Variants in AP4E1 observed in about 807,000 individuals in gnomAD.
AP4E1 encodes the protein AP-4 complex subunit epsilon-1.
Under a neutral mutation model 128.2 loss-of-function variants are expected in AP4E1, and 56 were observed. The observed-to-expected ratio is 0.44, with a 90% confidence interval of 0.35 to 0.55. The LOEUF is 0.55. AP4E1 is among the 20% of genes least tolerant of loss of function. The pLI is 0.00. For synonymous variants in AP4E1, 484 were observed against 473.1 expected (o/e 1.02, Z -0.30); for missense variants, 1,324 against 1,307.7 (o/e 1.01, Z -0.19).
chr15:50,947,340 C>T (rs1029318623), intron 10 of AP4E1, among the ~76,000 whole-genome samples: 14 of 150,836 alleles, frequency 9.3e-5, no homozygotes, highest in Non-Finnish European at 1.6e-4. Context: ...TGCTTGAGCC[C>T]AGGAGGTGGA....
chr15:50,957,656 C>T (rs902541988), intron 13 of AP4E1, among the ~76,000 whole-genome samples: 3 of 144,230 alleles, frequency 2.1e-5, no homozygotes, highest in African/African-American at 7.7e-5. Context: ...AGATGTGTGA[C>T]ATAGACAAGC....
chr15:50,959,439 A>T (rs1022864194), intron 14 of AP4E1, among the ~76,000 whole-genome samples: 1 of 152,056 alleles, frequency 6.6e-6, no homozygotes, highest in Admixed American at 6.6e-5. Flanking sequence ...TGGAAAAAAA[A>T]CCCCCAAAAC....
Position 50,958,725 on chromosome 15 carries a change from A to C in AP4E1, c.1782A>C (p.Lys594Asn). 1 of 1,614,154 alleles carries C rather than the reference A, an allele frequency of 6.2e-7. No homozygotes were observed. The highest frequency in any genetic ancestry group is 8.5e-7 in the Non-Finnish European group (1 of 1,180,002). The change falls in exon 14 of 21, where the codon AAA becomes AAC. Residue 594 changes from lysine to asparagine, a missense_variant. Physicochemically the swap from Lys to Asn is moderately conservative, Grantham distance 94. Coordinates refer to ENST00000261842, the MANE Select transcript of AP4E1 (RefSeq NM_007347.5). Reference sequence around the variant, plus strand: ...TGAGACAACATGCATTTGAATTAAAACATTTGCATGAGAATGTGGAACTTA... The same window carrying C: ...TGAGACAACATGCATTTGAATTAAACCATTTGCATGAGAATGTGGAACTTA... The part of the protein sequence containing the change: ...TCMRQHAFEL[K>N]HLHENVELMK...
chr15:50,999,697 A>G (rs1043666055), intron 19 of AP4E1, among the ~76,000 whole-genome samples: 1 of 151,968 alleles, frequency 6.6e-6, no homozygotes, highest in African/African-American at 2.4e-5. Context: ...TGACATAGTT[A>G]TTAAACTTTT....
In AP4E1 at chr15:50,969,759, T is replaced by C. The variant is rs534568221; in HGVS notation, c.1966+1382T>C. ...CTGCAAGCTCTGCCTCCTGGGTTCA[T>C]GCCATTCTCCTGCCTCAGCCTCCCG... On this transcript the variant is annotated intron_variant, in intron 15 of 20. Transcript: ENST00000261842. Among the ~76,000 whole-genome samples, 6 of 151,270 alleles carry C rather than the reference T, an allele frequency of 4.0e-5. No individual in the cohort carries two copies. The East Asian group carries it at 7.8e-4, about 20-fold the overall frequency.
intron 5 of AP4E1, among the ~76,000 whole-genome samples, chr15:50,927,951 A>AAC (rs1273349453): frequency 6.6e-6 from 1 of 152,234 alleles, no homozygotes; most frequent in East Asian, 1.9e-4. Flanking sequence ...AGAAATAGAC[A>AAC]AGAGAGAGAA....
chr15:50,922,163 CAAAAAAAAAAAA>C lies in AP4E1; in HGVS notation c.347-1758_347-1747del, dbSNP rs34829950. The stretch of plus-strand genomic sequence containing the variant: ...GTAACATAGTGAGACCCTATCTCTA[CAAAAAAAAAAAA>C]AAAAAAAAATTAGCTCGGTGTGATG... On this transcript the variant is annotated intron_variant, in intron 3 of 20. Coordinates refer to ENST00000261842, the MANE Select transcript of AP4E1 (RefSeq NM_007347.5). Among the ~76,000 whole-genome samples the C allele has an allele frequency of 6.2e-3, 492 of 79,736 alleles. 17 individuals are homozygous for C. Among genetic ancestry groups the C allele is most frequent in the East Asian group, 1.3e-3 (4 of 2,980 alleles). The allele number at this position is 79,736 out of a possible 152,430, so 52.3% of individuals were successfully genotyped here.
intron 15 of AP4E1, among the ~76,000 whole-genome samples, chr15:50,979,145 CTG>C (rs2064602704): frequency 6.6e-6 from 1 of 152,068 alleles, no homozygotes; most frequent in South Asian, 2.1e-4. Context: ...GAGGTATTCA[CTG>C]TTACTGGAAG....
chr15:50,983,315 A>G (rs1188880075), intron 15 of AP4E1, among the ~76,000 whole-genome samples: 1 of 152,212 alleles, frequency 6.6e-6, no homozygotes, highest in Non-Finnish European at 1.5e-5. Context: ...ATTGTCTTTT[A>G]TTCCAAGAGG....
chr15:50,941,618 CT>C (rs770454534), intron 9 of AP4E1, 47 bp from the exon 10 acceptor site: 27 of 1,611,412 alleles, frequency 1.7e-5, no homozygotes, highest in Non-Finnish European at 2.3e-5. Flanking sequence ...TTGAAATTTG[CT>C]GTGTATTTGT....
At chr15:50,968,862 T>A (rs1023184199) in intron 15 of AP4E1, among the ~76,000 whole-genome samples, 5 of 152,044 alleles carry the variant, frequency 3.3e-5, no homozygotes, top group Non-Finnish European at 4.4e-5. Flanking sequence ...CGGCCTCAAG[T>A]GATCTTTGAC....
At chr15:50,909,620 G>C (rs1447237953) in intron 1 of AP4E1, among the ~76,000 whole-genome samples, 1 of 152,266 alleles carries the variant, frequency 6.6e-6, no homozygotes, top group East Asian at 1.9e-4. Context: ...TCTCTCTGTC[G>C]CCCAGGCTGG....
At chr15:50,998,869 C>G (rs1391729570) in intron 18 of AP4E1, among the ~76,000 whole-genome samples, 3 of 152,092 alleles carry the variant, frequency 2.0e-5, no homozygotes, top group African/African-American at 7.2e-5. Context: ...ATAATTTTGA[C>G]CTGTGTACAA....
At chr15:50,940,997 A>T (rs545736023) in intron 8 of AP4E1, among the ~76,000 whole-genome samples, 3 of 152,166 alleles carry the variant, frequency 2.0e-5, no homozygotes, top group Admixed American at 2.0e-4. Flanking sequence ...GGTCGAAACT[A>T]TTTGAGAATA....
rs186080976 is a variant in AP4E1, at chr15:50,945,638, A to C, written c.1177-2382A>C. On this transcript the variant is annotated intron_variant, in intron 10 of 20. Transcript: ENST00000261842. ...GAGGTATATCACACAAAGCGAATGC[A>C]ACATGTTATCTGTGTAAAATGCACT... 121 of 772,990 alleles carry C rather than the reference A, an allele frequency of 1.6e-4. No individual in the cohort carries two copies. In the African/African-American group the frequency reaches 1.8e-3, roughly 11 times the overall value. The allele number at this position is 772,990 out of a possible 1,614,324, so 47.9% of individuals were successfully genotyped here. A position where few individuals can be genotyped will look rare whatever the true frequency, so the allele number is the denominator to read the frequency against.
chr15:50,988,539 T>G (rs1367566329), intron 16 of AP4E1, among the ~76,000 whole-genome samples: 1 of 152,174 alleles, frequency 6.6e-6, no homozygotes, highest in Non-Finnish European at 1.5e-5. Flanking sequence ...GGTCTCAAAC[T>G]ACTGGCCTCA....
chr15:50,987,477 T>C (rs865940163), intron 16 of AP4E1, among the ~76,000 whole-genome samples: 1 of 152,228 alleles, frequency 6.6e-6, no homozygotes, highest in Non-Finnish European at 1.5e-5. Context: ...ACTTTAAATG[T>C]GTCCCAGAGA....
chr15:50,945,036 A>G (rs2064038948), intron 10 of AP4E1: 8 of 774,586 alleles, frequency 1.0e-5, no homozygotes, highest in East Asian at 9.7e-5. Flanking sequence ...TTCTTTTTTC[A>G]CCGTTGGTGG....
At chr15:50,973,735 A>G (rs1365013484) in intron 15 of AP4E1, among the ~76,000 whole-genome samples, 1 of 152,198 alleles carries the variant, frequency 6.6e-6, no homozygotes, top group Non-Finnish European at 1.5e-5. Context: ...GTTGTCGTAT[A>G]TTGCAGAATT....
Sources: gnomAD v4.1 joint callset for allele counts (sites outside exome capture counted in the v4.1 genomes callset) on GRCh38, gnomAD v4.1.1 for gene constraint, MANE v1.5 for transcripts, NCBI Gene and HGNC (gene_info 2026-07-23, HGNC 2026-07-21) for gene names.